The following LRRC8A variants were observed in gnomAD, a reference collection of about 807,000 sequenced individuals.
The protein encoded by LRRC8A is volume-regulated anion channel subunit LRRC8A.
In LRRC8A, 24 loss-of-function variants were observed where a neutral mutation model predicts 52.5. The ratio of observed to expected loss-of-function variants is 0.46; its 90% CI spans 0.33 to 0.64. The LOEUF (loss-of-function observed/expected upper bound fraction) is 0.64, where lower values mean the gene tolerates loss of function less well. LRRC8A is among the 30% of genes least tolerant of loss of function. The pLI is 0.02. For missense variants in LRRC8A, 677 were observed against 1,094.7 expected, an observed-to-expected ratio of 0.62 and a Z score of 5.38; for synonymous variants, 492 against 494.2, an observed-to-expected ratio of 1.00 and a Z score of 0.06.
chr9:128,903,901 G>A (rs574876798), intron 2 of LRRC8A, among the ~76,000 whole-genome samples: 10 of 152,184 alleles, frequency 6.6e-5, no homozygotes, highest in Admixed American at 1.3e-4. Context: ...GGTGGCGGGC[G>A]TCTGTAATCC....
At chr9:128,914,318 C>A (rs963288658) in intron 3 of LRRC8A, among the ~76,000 whole-genome samples, 3 of 151,904 alleles carry the variant, frequency 2.0e-5, no homozygotes, top group Non-Finnish European at 2.9e-5. Context: ...TCTCTAAACG[C>A]GGCTGGAGAG....
At chr9:128,884,310 C>T (rs542359391) in intron 1 of LRRC8A, among the ~76,000 whole-genome samples, 1 of 152,342 alleles carries the variant, frequency 6.6e-6, no homozygotes, top group East Asian at 1.9e-4. Flanking sequence ...GAGGCACACA[C>T]TGATGGGCCA....
intron 2 of LRRC8A, among the ~76,000 whole-genome samples, chr9:128,890,788 G>A: frequency 6.6e-6 from 1 of 152,202 alleles, no homozygotes. Flanking sequence ...TAAGAAGGCA[G>A]CGCTGGTATT....
At chr9:128,885,840 C>A (rs112942715) in intron 1 of LRRC8A, among the ~76,000 whole-genome samples, 175 bp from the exon 2 acceptor site, 1 of 152,044 alleles carries the variant, frequency 6.6e-6, no homozygotes, top group Non-Finnish European at 1.5e-5. Context: ...ATGCGGGAGG[C>A]GGAGGTTGCA....
At position 128,902,217 on chromosome 9, in the gene LRRC8A, G is replaced by A. The variant is rs1019352921; in HGVS notation, c.-8-4940G>A. Among the ~76,000 whole-genome samples the A allele has an allele frequency of 6.6e-5, 10 of 152,064 alleles. No homozygotes were observed. The South Asian group carries it at 8.3e-4, about 13-fold the overall frequency. On this transcript the variant is annotated intron_variant, in intron 2 of 3. Transcript: ENST00000372600. This position sits in a 1 kb window ranked among gnomAD's most constrained non-coding sequence, Gnocchi z 4.1. ...ACCTTGATCATTTTTTTTTACCCCC[G>A]CTGGACCTAGCCAAGGGCTGAACAG... is the stretch of plus-strand genomic sequence containing the variant.
Position 128,899,625 on chromosome 9 carries a change from G to A in LRRC8A, c.-8-7532G>A, listed in dbSNP as rs113984805. ...ACGTGGTGAGCCTTGAGGACATTAC[G>A]TTAAGTGATACAGCCCATCACAAAA... On this transcript the variant is annotated intron_variant, in intron 2 of 3. Coordinates refer to ENST00000372600, the MANE Select transcript of LRRC8A (RefSeq NM_019594.4). This position sits in a 1 kb window ranked among gnomAD's most constrained non-coding sequence, Gnocchi z 4.0. Among the ~76,000 whole-genome samples the A allele has an allele frequency of 3.3e-5, 5 of 152,066 alleles. No individual in the cohort carries two copies. Among genetic ancestry groups the A allele is most frequent in the Admixed American group, 6.5e-5 (1 of 15,274 alleles).
intron 3 of LRRC8A, among the ~76,000 whole-genome samples, chr9:128,910,702 A>G (rs1035665933): frequency 5.3e-5 from 8 of 152,160 alleles, no homozygotes; most frequent in Non-Finnish European, 1.2e-4. Context: ...AGTAAAATGA[A>G]GAGCCCTGGA....
rs12003154 is a variant in LRRC8A at position 128,901,382 on chromosome 9, C to T, written c.-8-5775C>T. ...GGGAGGCTGAGTCAGGGGAATTATT[C>T]GAACCTGGGAGGCGGAGATTGCAGT... On this transcript the variant is annotated intron_variant, in intron 2 of 3. Coordinates refer to ENST00000372600, the MANE Select transcript of LRRC8A (RefSeq NM_019594.4). Among the ~76,000 whole-genome samples, 1,119 of 150,328 alleles carry T rather than the reference C, an allele frequency of 7.4e-3. 8 individuals carry two copies. Among genetic ancestry groups the T allele is most frequent in the African/African-American group, 0.019 (793 of 40,788 alleles).
chr9:128,895,923 C>G (rs1201191313), intron 2 of LRRC8A, among the ~76,000 whole-genome samples: 1 of 152,230 alleles, frequency 6.6e-6, no homozygotes, highest in African/African-American at 2.4e-5. Flanking sequence ...AGAACAGATA[C>G]ATCCATATCA....
chr9:128,914,515 G>A (rs562666223), intron 3 of LRRC8A, among the ~76,000 whole-genome samples: 1 of 152,326 alleles, frequency 6.6e-6, no homozygotes, highest in Admixed American at 6.5e-5. Flanking sequence ...TACAGCATGG[G>A]CTCTGAGTGG....
In LRRC8A at chr9:128,899,331, G is replaced by T. The variant is rs531486624; in HGVS notation, c.-8-7826G>T. Reference sequence around the variant, plus strand: ...GCCACCCCCACCCCACGCCTCAAAGGCTCCCTTCCCTTCCGGGGCATTTCT... The same window carrying T: ...GCCACCCCCACCCCACGCCTCAAAGTCTCCCTTCCCTTCCGGGGCATTTCT... On this transcript the variant is annotated intron_variant, in intron 2 of 3. Coordinates refer to ENST00000372600, the MANE Select transcript of LRRC8A (RefSeq NM_019594.4). This position sits in a 1 kb window ranked among gnomAD's most constrained non-coding sequence, Gnocchi z 4.0. 6.6e-6 allele frequency among the ~76,000 whole-genome samples: 1 copy of T among 151,912 alleles called. No individual in the cohort carries two copies. Among genetic ancestry groups the T allele is most frequent in the African/African-American group, 2.4e-5 (1 of 41,322 alleles).
intron 2 of LRRC8A, among the ~76,000 whole-genome samples, chr9:128,890,658 C>G (rs756739442): frequency 6.6e-6 from 1 of 152,168 alleles, no homozygotes; most frequent in Non-Finnish European, 1.5e-5. Flanking sequence ...CTCTGTCAGA[C>G]CCCCCAGTCC....
intron 2 of LRRC8A, among the ~76,000 whole-genome samples, chr9:128,906,490 T>G (rs1187219888): frequency 6.6e-6 from 1 of 151,990 alleles, no homozygotes; most frequent in Non-Finnish European, 1.5e-5. Context: ...GCCAGGCTAA[T>G]TTTTGTATTT....
chr9:128,899,585 C>G lies in LRRC8A; in HGVS notation c.-8-7572C>G, dbSNP rs1255783609. Among the ~76,000 whole-genome samples the G allele has an allele frequency of 6.6e-6, 1 of 152,010 alleles. No homozygotes were observed. The highest frequency in any genetic ancestry group is 1.5e-5 in the Non-Finnish European group (1 of 67,998). ...AAAAAAGCCTTAACAAAAGGACATTCTCATATGTGTTAGAACGTGGTGAGC... is the reference window on the plus strand; with the variant it reads ...AAAAAAGCCTTAACAAAAGGACATTGTCATATGTGTTAGAACGTGGTGAGC... On this transcript the variant is annotated intron_variant, in intron 2 of 3. Coordinates refer to ENST00000372600, the MANE Select transcript of LRRC8A (RefSeq NM_019594.4). The surrounding 1 kb of genome is among the most constrained non-coding windows in gnomAD (Gnocchi z 4.0).
rs959317648 is a variant in LRRC8A at position 128,901,777 on chromosome 9, C to T, written c.-8-5380C>T. 4.6e-5 allele frequency among the ~76,000 whole-genome samples: 7 copies of T among 152,134 alleles called. No homozygotes were observed. The East Asian group carries it at 5.8e-4, about 13-fold the overall frequency. On this transcript the variant is annotated intron_variant, in intron 2 of 3. Coordinates refer to ENST00000372600, the MANE Select transcript of LRRC8A (RefSeq NM_019594.4). ...TCCCCTCTTCATCCTCGGCAAGAGC[C>T]GTGTGGGAGGGAGCCTGCCCCTGTA...
chr9:128,914,319 G>A (rs990745621), intron 3 of LRRC8A, among the ~76,000 whole-genome samples: 3 of 151,672 alleles, frequency 2.0e-5, no homozygotes, highest in Non-Finnish European at 2.9e-5. Flanking sequence ...CTCTAAACGC[G>A]GCTGGAGAGA....
intron 2 of LRRC8A, among the ~76,000 whole-genome samples, chr9:128,893,892 T>C (rs1250271196): frequency 6.6e-6 from 1 of 151,172 alleles, no homozygotes; most frequent in East Asian, 1.9e-4. Flanking sequence ...ATAATTTTAT[T>C]TTTTGAGACA....
intron 3 of LRRC8A, among the ~76,000 whole-genome samples, chr9:128,910,588 G>T (rs1313449649): frequency 6.6e-6 from 1 of 152,188 alleles, no homozygotes; most frequent in Non-Finnish European, 1.5e-5. Flanking sequence ...AGCTATTTGG[G>T]AGGCTGAGGC....
intron 2 of LRRC8A, among the ~76,000 whole-genome samples, chr9:128,886,452 T>A (rs1010588441): frequency 6.6e-6 from 1 of 152,222 alleles, no homozygotes. Context: ...CCAAGTGTGT[T>A]CCATGAGACA....
Sources: allele counts gnomAD v4.1 joint callset (sites outside exome capture counted in the v4.1 genomes callset), GRCh38; gene constraint gnomAD v4.1.1; non-coding constraint Gnocchi (gnomAD v3.1); transcripts MANE v1.5; gene names NCBI Gene and HGNC (gene_info 2026-07-23, HGNC 2026-07-21).